Variants in ASS1 observed in about 807,000 individuals in gnomAD.
ASS1 encodes argininosuccinate synthase 1.
In ASS1, 58 loss-of-function variants were observed where a neutral mutation model predicts 60.5. The ratio of observed to expected loss-of-function variants is 0.96; its 90% CI spans 0.78 to 1.19. The LOEUF (loss-of-function observed/expected upper bound fraction) is 1.19, where lower values mean the gene tolerates loss of function less well. ASS1 is among the 50% of genes most tolerant of loss of function. ASS1 has a pLI of 0.00. For missense variants in ASS1, 454 were observed against 547.3 expected (o/e 0.83, Z 1.70); for synonymous variants, 200 against 206.9 (o/e 0.97, Z 0.29).
chr9:130,464,211 C>T lies in ASS1; in HGVS notation c.420+44C>T, dbSNP rs771825721. The T allele has an allele frequency of 3.8e-6, 6 of 1,592,938 alleles. No individual in the cohort carries two copies. In the Admixed American group the frequency reaches 8.3e-5, roughly 22 times the overall value. On this transcript the variant is annotated intron_variant, in intron 5 of 14. Transcript: ENST00000352480. ...CCTTAGCAGGGAGCACTAGCATCTG[C>T]AGCACCTGATGGGGAGGAGGGCACA...
In ASS1 at chr9:130,474,014, AC is replaced by A. The variant is rs1430232891; in HGVS notation, c.597+2503del. Among the ~76,000 whole-genome samples, 4 of 16,544 alleles carry A rather than the reference AC, an allele frequency of 2.4e-4. No individual in the cohort carries two copies. The South Asian group carries it at 0.011, about 48-fold the overall frequency. The allele number at this position is 16,544 out of a possible 152,430, so 10.9% of individuals were successfully genotyped here. On this transcript the variant is annotated intron_variant, in intron 8 of 14. Transcript: ENST00000352480. Reference sequence around the variant, plus strand: ...CTTTCGCCCTCTCCCCCTAGCCCCCACCCCGACTCTCTCTCTCTCTTTTTCT... The same window carrying A: ...CTTTCGCCCTCTCCCCCTAGCCCCCACCCGACTCTCTCTCTCTCTTTTTCT...
At position 130,489,607 on chromosome 9, in the gene ASS1, AAGGTGC is replaced by A; in HGVS notation, c.970+147_970+152del. 7.2e-7 allele frequency: 1 copy of A among 1,379,536 alleles called. No homozygotes were observed. The highest frequency in any genetic ancestry group is 1.0e-6 in the Non-Finnish European group (1 of 981,110). 85.5% of individuals were successfully genotyped at this position (1,379,536 alleles called of 1,614,324 possible). A position where few individuals can be genotyped will look rare whatever the true frequency, so the allele number is the denominator to read the frequency against. On this transcript the variant is annotated intron_variant, in intron 12 of 14. Coordinates refer to ENST00000352480, the MANE Select transcript of ASS1 (RefSeq NM_054012.4). This position sits in a 1 kb window ranked among gnomAD's most constrained non-coding sequence, Gnocchi z 4.1. The stretch of plus-strand genomic sequence containing the variant: ...CTGCCATCCTCATGTGAGACCCCAA[AAGGTGC>A]AGGCCAAAGGGGGTTGAGGGAAAGT...
At chr9:130,445,352 C>A (rs968537697) in intron 1 of ASS1, among the ~76,000 whole-genome samples, 1 of 152,134 alleles carries the variant, frequency 6.6e-6, no homozygotes, top group Non-Finnish European at 1.5e-5. Context: ...GTGAAGCCCC[C>A]ACATGGAGAC....
rs771594651 is a variant in ASS1, at chr9:130,458,432, T to C, written c.206T>C (p.Val69Ala). The stretch of plus-strand genomic sequence containing the variant: ...ATTGAGGATGTCAGCAGGGAGTTTG[T>C]GGAGGAGTTCATCTGGCCGGCCATC... Reference protein sequence around the residue: ...VFIEDVSREFVEEFIWPAIQS... With the variant: ...VFIEDVSREFAEEFIWPAIQS... Residue 69 changes from valine to alanine, a missense_variant, in exon 4 of 15, where the codon GTG becomes GCG. Coordinates refer to ENST00000352480, the MANE Select transcript of ASS1 (RefSeq NM_054012.4). 3.1e-6 allele frequency: 5 copies of C among 1,612,028 alleles called. No individual in the cohort carries two copies. Among genetic ancestry groups the C allele is most frequent in the Admixed American group, 3.3e-5 (2 of 60,012 alleles).
At position 130,475,770 on chromosome 9, in the gene ASS1, G is replaced by T. The variant is rs80340070; in HGVS notation, c.598-1101G>T. Among the ~76,000 whole-genome samples, 728 of 149,508 alleles carry T rather than the reference G, an allele frequency of 4.9e-3. 8 individuals are homozygous for T. The highest frequency in any genetic ancestry group is 0.017 in the African/African-American group (677 of 40,506). On this transcript the variant is annotated intron_variant, in intron 8 of 14. Coordinates refer to ENST00000352480, the MANE Select transcript of ASS1 (RefSeq NM_054012.4). ...TTTTTTTTTTTTTTTTTGGTGGGGG[G>T]GTGGGGGACGGAATCTTGCTCTCTC...
chr9:130,449,417 G>T (rs1284972943), intron 1 of ASS1, among the ~76,000 whole-genome samples: 1 of 151,502 alleles, frequency 6.6e-6, no homozygotes, highest in Non-Finnish European at 1.5e-5. Context: ...CGATGCAGGT[G>T]ATCCAGCTGT....
chr9:130,475,525 GGCGAGGACCTC>G (rs954447765), intron 8 of ASS1, among the ~76,000 whole-genome samples: 2 of 152,140 alleles, frequency 1.3e-5, no homozygotes, highest in Non-Finnish European at 1.5e-5. Context: ...ATGTGTATTT[GGCGAGGACCTC>G]GCGGGGCTCC....
rs958795073 is a variant in ASS1 at position 130,464,293 on chromosome 9, C to T, written c.420+126C>T. The stretch of plus-strand genomic sequence containing the variant: ...GAATCTCCTCCGTGGCAGGGGTGCC[C>T]ATCGGGTGGACAGCCTGCTGGGGAG... On this transcript the variant is annotated intron_variant, in intron 5 of 14. Transcript: ENST00000352480. 8.2e-6 allele frequency: 10 copies of T among 1,212,370 alleles called. No homozygotes were observed. In the Admixed American group the frequency reaches 9.5e-5, roughly 12 times the overall value. 75.1% of individuals were successfully genotyped at this position (1,212,370 alleles called of 1,614,324 possible).
At chr9:130,445,080 C>A in intron 1 of ASS1, 85 bp downstream of exon 1, 1 of 916,496 alleles carries the variant, frequency 1.1e-6, no homozygotes, top group Non-Finnish European at 1.3e-6. Flanking sequence ...GCGTAGAAGA[C>A]GCCCGCCCCG....
At position 130,491,875 on chromosome 9, in the gene ASS1, A is replaced by C. The variant is rs184717485; in HGVS notation, c.970+2411A>C. On this transcript the variant is annotated intron_variant, in intron 12 of 14. Transcript: ENST00000352480. The surrounding 1 kb of genome is among the most constrained non-coding windows in gnomAD (Gnocchi z 5.3). ...CGCTGACATGCAGGGCCCCACAAAC[A>C]TCAAGATCGGCCTCGGGCAGCAGGC... Among the ~76,000 whole-genome samples, 23 of 152,318 alleles carry C rather than the reference A, an allele frequency of 1.5e-4. No individual in the cohort carries two copies. The highest frequency in any genetic ancestry group is 4.6e-4 in the Admixed American group (7 of 15,294).
intron 13 of ASS1, among the ~76,000 whole-genome samples, chr9:130,496,872 G>C (rs551654868): frequency 6.6e-6 from 1 of 152,270 alleles, no homozygotes; most frequent in African/African-American, 2.4e-5. Flanking sequence ...CTAGACGTGG[G>C]TCCCCTAAGG....
chr9:130,479,202 C>G (rs1221321349), intron 9 of ASS1, among the ~76,000 whole-genome samples: 1 of 152,130 alleles, frequency 6.6e-6, no homozygotes, highest in African/African-American at 2.4e-5. Context: ...CCGTGTCACC[C>G]CCATCAATCA....
In ASS1 at chr9:130,478,672, C is replaced by A. The variant is rs1258466528; in HGVS notation, c.689-1044C>A. Among the ~76,000 whole-genome samples, 3 of 152,158 alleles carry A rather than the reference C, an allele frequency of 2.0e-5. No homozygotes were observed. The highest frequency in any genetic ancestry group is 2.9e-5 in the Non-Finnish European group (2 of 68,024). ...CTCCCGGGCAGGCCCCATCTAAGGC[C>A]CCAGCGAAGGCCGATAATAGGACCG... On this transcript the variant is annotated intron_variant, in intron 9 of 14. Transcript: ENST00000352480. The surrounding 1 kb of genome is among the most constrained non-coding windows in gnomAD (Gnocchi z 4.7).
intron 8 of ASS1, among the ~76,000 whole-genome samples, chr9:130,474,054 T>TCCCCC (rs1845947269): frequency 3.3e-4 from 2 of 6,068 alleles, no homozygotes; most frequent in African/African-American, 9.8e-4. Flanking sequence ...CTCTCTTCCC[T>TCCCCC]CCCCCGCACC....
intron 11 of ASS1, among the ~76,000 whole-genome samples, chr9:130,482,000 A>G (rs1020824502): frequency 3.9e-5 from 6 of 152,080 alleles, no homozygotes; most frequent in African/African-American, 1.4e-4. Flanking sequence ...TGCACCCTCC[A>G]GGGAGAGCTG....
intron 1 of ASS1, among the ~76,000 whole-genome samples, chr9:130,446,948 C>T (rs534924001): frequency 1.3e-5 from 2 of 152,322 alleles, no homozygotes; most frequent in South Asian, 2.1e-4. Flanking sequence ...GACTTGGGGT[C>T]GACCAGGCAC....
chr9:130,475,642 C>T (rs1004844009), intron 8 of ASS1, among the ~76,000 whole-genome samples: 8 of 152,088 alleles, frequency 5.3e-5, no homozygotes, highest in African/African-American at 1.7e-4. Context: ...TCAATTTCTT[C>T]ATCTGTTGAT....
chr9:130,495,702 T>G (rs1183190610), intron 13 of ASS1, among the ~76,000 whole-genome samples: 1 of 151,882 alleles, frequency 6.6e-6, no homozygotes, highest in Non-Finnish European at 1.5e-5. Context: ...GAGAACGGAT[T>G]TGAGTAGGTG....
At chr9:130,471,680 C>G (rs1294472644) in intron 8 of ASS1, among the ~76,000 whole-genome samples, 165 bp downstream of exon 8, 1 of 152,132 alleles carries the variant, frequency 6.6e-6, no homozygotes, top group African/African-American at 2.4e-5. Context: ...GCACTGGCCC[C>G]CCTCTGCCCA....
Sources: allele counts gnomAD v4.1 joint callset (sites outside exome capture counted in the v4.1 genomes callset), GRCh38; gene constraint gnomAD v4.1.1; non-coding constraint Gnocchi (gnomAD v3.1); transcripts MANE v1.5; gene names NCBI Gene and HGNC (gene_info 2026-07-23, HGNC 2026-07-21).